MOV10L1: variants seen among roughly 807,000 people sequenced by gnomAD.
MOV10L1 encodes RNA helicase Mov10l1.
In MOV10L1, 110 loss-of-function variants were observed where a neutral mutation model predicts 143.8. That is an observed-to-expected ratio of 0.76 (90% CI 0.66 to 0.90). MOV10L1 has a LOEUF of 0.90. Ranked by LOEUF, MOV10L1 falls within the 40% of genes least tolerant of loss-of-function variation. The pLI is 0.00. For synonymous variants in MOV10L1, 593 were observed against 581.1 expected (o/e 1.02, Z -0.29); for missense variants, 1,406 against 1,526.8 (o/e 0.92, Z 1.32).
intron 18 of MOV10L1, among the ~76,000 whole-genome samples, chr22:50,144,854 T>G (rs570988406): frequency 8.5e-5 from 13 of 152,356 alleles, no homozygotes; most frequent in East Asian, 1.9e-4. Context: ...GTGCTGGGAT[T>G]ACAGGCGTGA....
intron 6 of MOV10L1, 81 bp from the exon 7 acceptor site, chr22:50,114,300 T>G: frequency 1.3e-6 from 2 of 1,502,178 alleles, no homozygotes; most frequent in South Asian, 2.5e-5. Context: ...ACTTCCTAGA[T>G]TAGGTTTTGT....
chr22:50,096,691 A>T (rs1292316226), intron 2 of MOV10L1, among the ~76,000 whole-genome samples: 1 of 151,424 alleles, frequency 6.6e-6, no homozygotes, highest in East Asian at 1.9e-4. Context: ...CGTAGTTGTG[A>T]GGTAGTATCT....
intron 2 of MOV10L1, chr22:50,095,374 C>G (rs1415483134): frequency 8.5e-5 from 13 of 152,054 alleles, no homozygotes; most frequent in Admixed American, 8.5e-4. Context: ...TTCACACTAC[C>G]CTCTTTTCCT....
rs764000584 is a variant in MOV10L1, at chr22:50,158,119, C to G, written c.3129C>G (p.Val1043=). The G allele has an allele frequency of 6.2e-7, 1 of 1,614,188 alleles. No individual in the cohort carries two copies. The highest frequency in any genetic ancestry group is 8.5e-7 in the Non-Finnish European group (1 of 1,180,038). The change falls in exon 23 of 27, where the codon GTC becomes GTG. Residue 1043 remains valine, a synonymous_variant. Coordinates refer to ENST00000262794, the MANE Select transcript of MOV10L1 (RefSeq NM_018995.3). This position sits in a 1 kb window ranked among gnomAD's most constrained non-coding sequence, Gnocchi z 5.0. The stretch of plus-strand genomic sequence containing the variant: ...TCAACCCGGCCGAGGCCGTCCAGGT[C>G]CTGCGCTACTGCTGCCTCCTGGCCC... ...SWFNPAEAVQ[V]LRYCCLLAHS... is the part of the protein sequence containing the mutation.
In MOV10L1 at chr22:50,150,756, A is replaced by C; in HGVS notation, c.2749A>C (p.Met917Leu). The change falls in exon 21 of 27, where the codon ATG becomes CTG. Residue 917 changes from methionine to leucine, a missense_variant. Physicochemically the swap from Met to Leu is conservative, Grantham distance 15 (BLOSUM62 2). Transcript: ENST00000262794. ...GCAGATCGTGCTGGCAGGAGACCCC[A>C]TGCAGCTCGGCCCAGTCATTAAGTC... ...SGQIVLAGDP[M>L]QLGPVIKSRL... 2 of 1,613,990 alleles carry C rather than the reference A, an allele frequency of 1.2e-6. No homozygotes were observed. Among genetic ancestry groups the C allele is most frequent in the Non-Finnish European group, 1.7e-6 (2 of 1,179,972 alleles).
At chr22:50,142,500 C>A (rs563112983) in intron 16 of MOV10L1, among the ~76,000 whole-genome samples, 115 of 152,232 alleles carry the variant, frequency 7.6e-4, no homozygotes, top group African/African-American at 2.7e-3. Flanking sequence ...ATTTTCCTCT[C>A]AGCAGCTGCA....
chr22:50,138,043 C>G, intron 15 of MOV10L1, among the ~76,000 whole-genome samples: 1 of 151,936 alleles, frequency 6.6e-6, no homozygotes, highest in East Asian at 1.9e-4. Flanking sequence ...ATAATCATGG[C>G]AGTAGACTTG....
chr22:50,132,890 G>C (rs2147272892), intron 13 of MOV10L1, among the ~76,000 whole-genome samples: 1 of 152,280 alleles, frequency 6.6e-6, no homozygotes, highest in East Asian at 1.9e-4. Flanking sequence ...CAAATAATCA[G>C]CCGGGCGTGG....
chr22:50,131,585 G>T (rs1433259356), intron 13 of MOV10L1, among the ~76,000 whole-genome samples: 3 of 152,094 alleles, frequency 2.0e-5, no homozygotes, highest in Non-Finnish European at 2.9e-5. Context: ...TTAGGATTAT[G>T]ATCTATCTCA....
intron 15 of MOV10L1, among the ~76,000 whole-genome samples, chr22:50,137,857 T>G (rs1038639312): frequency 3.4e-5 from 5 of 147,392 alleles, no homozygotes; most frequent in African/African-American, 1.2e-4. Context: ...TAAATATACA[T>G]ATTTTTATAT....
chr22:50,113,593 C>T lies in MOV10L1; in HGVS notation c.744-55C>T, dbSNP rs190566802. The T allele has an allele frequency of 6.6e-4, 1,054 of 1,587,138 alleles. 4 individuals carry two copies. The highest frequency in any genetic ancestry group is 4.8e-4 in the Admixed American group (27 of 56,470). On this transcript the variant is annotated intron_variant, in intron 5 of 26. Coordinates refer to ENST00000262794, the MANE Select transcript of MOV10L1 (RefSeq NM_018995.3). ...GTCTATCCTCAGGAGCGGAGGCAGG[C>T]GAGGAAGGGGTGGTGCTGCTGCAGA...
intron 15 of MOV10L1, among the ~76,000 whole-genome samples, chr22:50,139,217 C>T (rs113520398): frequency 4.5e-4 from 69 of 151,912 alleles, no homozygotes; most frequent in African/African-American, 1.5e-3. Flanking sequence ...TAGCTCACAG[C>T]GCAGACAAAA....
chr22:50,156,338 AC>A (rs2063428419), intron 22 of MOV10L1, among the ~76,000 whole-genome samples: 1 of 151,732 alleles, frequency 6.6e-6, no homozygotes, highest in Admixed American at 6.6e-5. Flanking sequence ...CTGGTCTCGA[AC>A]TCTTGACCTC....
At chr22:50,114,287 A>C in intron 6 of MOV10L1, 94 bp from the exon 7 acceptor site, 1 of 1,433,692 alleles carries the variant, frequency 7.0e-7, no homozygotes, top group East Asian at 2.3e-5. Flanking sequence ...ATTTGCAGTC[A>C]CCACTTCCTA....
chr22:50,143,987 C>A, intron 17 of MOV10L1, 110 bp from the exon 18 acceptor site: 1 of 1,385,834 alleles, frequency 7.2e-7, no homozygotes. Context: ...GGCATCTGAG[C>A]CCATGCAGCT....
At chr22:50,115,056 C>A in intron 7 of MOV10L1, 58 bp from the exon 8 acceptor site, 2 of 1,508,172 alleles carry the variant, frequency 1.3e-6, no homozygotes, top group East Asian at 2.4e-5. Context: ...AGCATGCCAG[C>A]ACTGTTAGAG....
chr22:50,145,914 C>G, intron 19 of MOV10L1, 104 bp downstream of exon 19: 1 of 1,522,582 alleles, frequency 6.6e-7, no homozygotes, highest in South Asian at 1.2e-5. Flanking sequence ...ACTCAGTGCT[C>G]AGGGAGGGAG....
At chr22:50,148,925 A>G (rs2063223682) in intron 19 of MOV10L1, among the ~76,000 whole-genome samples, 1 of 152,108 alleles carries the variant, frequency 6.6e-6, no homozygotes, top group Admixed American at 6.6e-5. Flanking sequence ...CGGCCTCCCA[A>G]AGTGCTGGCA....
intron 22 of MOV10L1, among the ~76,000 whole-genome samples, chr22:50,156,690 G>A (rs1335180217): frequency 6.6e-6 from 1 of 152,196 alleles, no homozygotes; most frequent in Non-Finnish European, 1.5e-5. Context: ...ATGTTGTGGT[G>A]TGTGTCAGAA....
Sources: gnomAD v4.1 joint callset for allele counts (sites outside exome capture counted in the v4.1 genomes callset) on GRCh38, gnomAD v4.1.1 for gene constraint, Gnocchi (gnomAD v3.1) non-coding constraint, MANE v1.5 for transcripts, NCBI Gene and HGNC (gene_info 2026-07-23, HGNC 2026-07-21) for gene names.